Variants in KIF26B observed in about 807,000 individuals in gnomAD.
KIF26B encodes kinesin family member 26B.
In KIF26B, 63 loss-of-function variants were observed where a neutral mutation model predicts 151.2. The observed-to-expected ratio is 0.42, with a 90% CI of 0.34 to 0.51. The LOEUF (loss-of-function observed/expected upper bound fraction) is 0.51. KIF26B is among the 20% of genes least tolerant of loss of function. The pLI, the probability that KIF26B is intolerant of heterozygous loss-of-function variation, is 0.07. For synonymous variants in KIF26B, 1,357 were observed against 1,262.1 expected (o/e 1.08, Z -1.59); for missense variants, 2,813 against 2,913.6 (o/e 0.97, Z 0.79).
chr1:245,190,149 A>G (rs947538389), intron 2 of KIF26B, among the ~76,000 whole-genome samples: 2 of 152,092 alleles, frequency 1.3e-5, no homozygotes, highest in Non-Finnish European at 2.9e-5. Flanking sequence ...AACTGCCCCC[A>G]TGATTCAGTC....
Position 245,367,116 on chromosome 1 carries a change from G to C in KIF26B, c.748G>C (p.Ala250Pro), listed in dbSNP as rs371419440. 2.5e-6 allele frequency: 4 copies of C among 1,593,920 alleles called. No homozygotes were observed. The highest frequency in any genetic ancestry group is 2.7e-5 in the African/African-American group (2 of 74,260). ...GCCCAGAGACTGGGCCTTTGTGCCC[G>C]CCCCCTGTGCCACCTCCAACTACAC... ...QQPRDWAFVPAPCATSNYTGF... is the reference protein window; with the variant it reads ...QQPRDWAFVPPPCATSNYTGF... Residue 250 changes from alanine (A) to proline (P), a missense_variant, in exon 3 of 15, where the codon GCC becomes CCC. By Grantham distance (27) the Ala-to-Pro change is conservative (BLOSUM62 -1). Coordinates refer to ENST00000407071, the MANE Select transcript of KIF26B (RefSeq NM_018012.4). This position sits in a 1 kb window ranked among gnomAD's most constrained non-coding sequence, Gnocchi z 4.2.
At chr1:245,493,484 C>A (rs1222397992) in intron 4 of KIF26B, among the ~76,000 whole-genome samples, 1 of 152,246 alleles carries the variant, frequency 6.6e-6, no homozygotes, top group Non-Finnish European at 1.5e-5. Flanking sequence ...CAGTTAAACT[C>A]TGCCGTTGAC....
chr1:245,371,971 G>T (rs1373392140), intron 3 of KIF26B, among the ~76,000 whole-genome samples: 1 of 152,160 alleles, frequency 6.6e-6, no homozygotes, highest in Non-Finnish European at 1.5e-5. Flanking sequence ...CTGTTCATCT[G>T]CAGACATTTA....
intron 2 of KIF26B, chr1:245,282,918 AT>A: frequency 3.2e-6 from 1 of 314,582 alleles, no homozygotes; most frequent in Non-Finnish European, 6.6e-6. Flanking sequence ...CCATTTTGTC[AT>A]TTTGGGTTCA....
intron 4 of KIF26B, among the ~76,000 whole-genome samples, chr1:245,477,523 G>A (rs1192462930): frequency 6.6e-6 from 1 of 151,828 alleles, no homozygotes; most frequent in Non-Finnish European, 1.5e-5. Context: ...GAACAAGGTA[G>A]CGCAGGTACG....
At chr1:245,246,591 C>T (rs1324899556) in intron 2 of KIF26B, among the ~76,000 whole-genome samples, 2 of 152,144 alleles carry the variant, frequency 1.3e-5, no homozygotes, top group Admixed American at 6.6e-5. Context: ...GTCTCCAGGG[C>T]TCTGCTCAGC....
intron 5 of KIF26B, among the ~76,000 whole-genome samples, chr1:245,562,448 A>G (rs1036137432): frequency 6.6e-6 from 1 of 152,122 alleles, no homozygotes; most frequent in Non-Finnish European, 1.5e-5. Context: ...CCTCACTCTG[A>G]GAACCAGGAC....
chr1:245,599,051 C>G (rs2043364401), intron 5 of KIF26B, among the ~76,000 whole-genome samples: 2 of 152,116 alleles, frequency 1.3e-5, no homozygotes, highest in Admixed American at 1.3e-4. Context: ...CTCTGGAGAG[C>G]AGCAGGGAGA....
At chr1:245,424,415 T>A (rs919177497) in intron 4 of KIF26B, among the ~76,000 whole-genome samples, 1 of 152,214 alleles carries the variant, frequency 6.6e-6, no homozygotes, top group South Asian at 2.1e-4. Flanking sequence ...CCCAAAGTGC[T>A]GAGTATTGTT....
chr1:245,265,149 T>C (rs527724603), intron 2 of KIF26B, among the ~76,000 whole-genome samples: 2 of 132,342 alleles, frequency 1.5e-5, no homozygotes, highest in Non-Finnish European at 3.1e-5. Flanking sequence ...TGGCAGTGAG[T>C]GGAGATCTTG....
At chr1:245,589,217 C>T (rs1171740955) in intron 5 of KIF26B, among the ~76,000 whole-genome samples, 2 of 152,196 alleles carry the variant, frequency 1.3e-5, no homozygotes, top group Non-Finnish European at 2.9e-5. Flanking sequence ...TCCTCTCCTT[C>T]CTGGAACTAA....
chr1:245,155,544 C>T (rs2103514434), intron 1 of KIF26B, 57 bp downstream of exon 1: 3 of 1,434,996 alleles, frequency 2.1e-6, no homozygotes, highest in East Asian at 2.4e-5. Flanking sequence ...CGGCGGAGGT[C>T]CCCCTTTCCC....
At chr1:245,395,024 G>A (rs962127478) in intron 3 of KIF26B, among the ~76,000 whole-genome samples, 2 of 152,152 alleles carry the variant, frequency 1.3e-5, no homozygotes, top group Non-Finnish European at 2.9e-5. Context: ...AAATTACTGA[G>A]TTAGAAGCAT....
At chr1:245,346,472 T>G (rs1349113050) in intron 2 of KIF26B, among the ~76,000 whole-genome samples, 2 of 152,166 alleles carry the variant, frequency 1.3e-5, no homozygotes, top group Admixed American at 6.5e-5. Context: ...AGTCATCTAT[T>G]CATCTCTGAT....
intron 3 of KIF26B, among the ~76,000 whole-genome samples, chr1:245,372,816 C>T (rs1673159546): frequency 6.6e-6 from 1 of 152,170 alleles, no homozygotes; most frequent in Non-Finnish European, 1.5e-5. Context: ...TCTTTTGCAT[C>T]ATGGTAGGAG....
intron 2 of KIF26B, among the ~76,000 whole-genome samples, chr1:245,240,932 C>A (rs1316555353): frequency 6.6e-6 from 1 of 152,160 alleles, no homozygotes; most frequent in Non-Finnish European, 1.5e-5. Flanking sequence ...GTGCCCTGAG[C>A]TCAAAGATAA....
intron 2 of KIF26B, among the ~76,000 whole-genome samples, chr1:245,177,774 A>G (rs1438574838): frequency 2.0e-5 from 3 of 152,024 alleles, no homozygotes; most frequent in Non-Finnish European, 1.5e-5. Flanking sequence ...TGACCCTTCA[A>G]ATGAGACTAG....
intron 2 of KIF26B, among the ~76,000 whole-genome samples, chr1:245,252,592 T>C (rs988081954): frequency 1.4e-4 from 21 of 152,182 alleles, no homozygotes; most frequent in African/African-American, 4.8e-4. Flanking sequence ...TGGATCCTCT[T>C]GAATATTCCA....
At chr1:245,198,230 C>T (rs573676586) in intron 2 of KIF26B, among the ~76,000 whole-genome samples, 14 of 152,322 alleles carry the variant, frequency 9.2e-5, no homozygotes, top group African/African-American at 3.4e-4. Context: ...TCCATGCAGT[C>T]TCTGGAGCAG....
Sources: allele counts gnomAD v4.1 joint callset (sites outside exome capture counted in the v4.1 genomes callset), GRCh38; gene constraint gnomAD v4.1.1; non-coding constraint Gnocchi (gnomAD v3.1); transcripts MANE v1.5; gene names NCBI Gene and HGNC (gene_info 2026-07-23, HGNC 2026-07-21).